The following SUGCT variants were observed in gnomAD, a reference collection of about 807,000 sequenced individuals.
The protein encoded by SUGCT is succinyl-CoA:glutarate-CoA transferase, also known as succinyl-CoA:glutarate CoA-transferase.
SUGCT carries 41 observed loss-of-function variants against 55.0 expected under a neutral mutation model. The observed-to-expected ratio is 0.74, with a 90% CI of 0.58 to 0.97. The LOEUF is 0.97. SUGCT is among the 50% of genes least tolerant of loss of function. The pLI is 0.00. For synonymous variants in SUGCT, 187 were observed against 200.4 expected (o/e 0.93, Z 0.56); for missense variants, 568 against 547.8 (o/e 1.04, Z -0.37).
chr7:40,709,294 G>A (rs1166042086), intron 12 of SUGCT, among the ~76,000 whole-genome samples: 2 of 152,144 alleles, frequency 1.3e-5, no homozygotes, highest in African/African-American at 4.8e-5. Context: ...GAAAAGTTTC[G>A]TAAGTAATTA....
intron 8 of SUGCT, among the ~76,000 whole-genome samples, chr7:40,294,422 G>A (rs1335336149): frequency 6.6e-6 from 1 of 152,202 alleles, no homozygotes; most frequent in African/African-American, 2.4e-5. Context: ...GCAGCAGAGA[G>A]GGACATTCCA....
intron 7 of SUGCT, among the ~76,000 whole-genome samples, chr7:40,246,027 G>T (rs2150910988): frequency 6.6e-6 from 1 of 152,088 alleles, no homozygotes; most frequent in Non-Finnish European, 1.5e-5. Flanking sequence ...TAGAGATGGG[G>T]TCTCTCCATG....
At chr7:41,038,544 C>T in the SUGCT span, among the ~76,000 whole-genome samples, 4 of 152,228 alleles carry the variant, frequency 2.6e-5, no homozygotes, top group Non-Finnish European at 5.9e-5. Context: ...CCTCTGCCAA[C>T]TCTTCTGTGA....
intron 9 of SUGCT, among the ~76,000 whole-genome samples, chr7:40,341,548 G>T (rs959503982): frequency 3.9e-5 from 6 of 152,216 alleles, no homozygotes; most frequent in African/African-American, 1.4e-4. Flanking sequence ...GGCACACAAT[G>T]AAGTTTCTAA....
intron 9 of SUGCT, among the ~76,000 whole-genome samples, chr7:40,356,891 C>CA (rs1380245725): frequency 6.6e-5 from 10 of 152,184 alleles, no homozygotes; most frequent in Non-Finnish European, 1.5e-4. Flanking sequence ...GAAAACCACA[C>CA]AAAATAATTT....
chr7:40,725,427 C>T (rs1201386425), intron 12 of SUGCT, among the ~76,000 whole-genome samples: 1 of 152,142 alleles, frequency 6.6e-6, no homozygotes, highest in Non-Finnish European at 1.5e-5. Context: ...TCCGTGAACC[C>T]TTGCCCACTT....
intron 13 of SUGCT, among the ~76,000 whole-genome samples, chr7:40,780,095 A>C (rs532111553): frequency 6.6e-6 from 1 of 152,146 alleles, no homozygotes; most frequent in South Asian, 2.1e-4. Flanking sequence ...AGAAGTGGTC[A>C]TCTGTTGCCC....
chr7:40,574,050 C>T (rs1186934260), intron 12 of SUGCT, among the ~76,000 whole-genome samples: 1 of 152,110 alleles, frequency 6.6e-6, no homozygotes, highest in African/African-American at 2.4e-5. Context: ...GTCTGGTATG[C>T]TCACTGTTCC....
chr7:40,502,074 A>G (rs1362566069), intron 12 of SUGCT, among the ~76,000 whole-genome samples: 1 of 152,078 alleles, frequency 6.6e-6, no homozygotes, highest in Non-Finnish European at 1.5e-5. Context: ...TAATTTTGAA[A>G]TTATTTGTGA....
intron 3 of SUGCT, among the ~76,000 whole-genome samples, chr7:40,182,849 C>T (rs1257164040): frequency 6.6e-6 from 1 of 152,116 alleles, no homozygotes; most frequent in Non-Finnish European, 1.5e-5. Context: ...AGCATTGAGA[C>T]TGAGATTACA....
chr7:40,529,397 G>C (rs1793969094), intron 12 of SUGCT, among the ~76,000 whole-genome samples: 1 of 152,206 alleles, frequency 6.6e-6, no homozygotes, highest in South Asian at 2.1e-4. Context: ...GTGAGGACCA[G>C]TGCACCAAGG....
the SUGCT span, among the ~76,000 whole-genome samples, chr7:40,878,070 T>A: frequency 6.6e-6 from 1 of 152,190 alleles, no homozygotes; most frequent in Non-Finnish European, 1.5e-5. Flanking sequence ...CTCCATTATA[T>A]CTTCTTTTGT....
At chr7:40,959,476 A>G in the SUGCT span, among the ~76,000 whole-genome samples, 2 of 152,136 alleles carry the variant, frequency 1.3e-5, no homozygotes, top group South Asian at 4.1e-4. Context: ...GTGAGGGGAA[A>G]ACCACCTACT....
chr7:40,533,925 G>A (rs76930394), intron 12 of SUGCT, among the ~76,000 whole-genome samples: 1,891 of 151,248 alleles, frequency 0.013, 27 homozygotes, highest in African/African-American at 0.042. Flanking sequence ...ACAGGTTTGG[G>A]AACAGTTTGC....
intron 12 of SUGCT, chr7:40,538,831 A>G (rs1037922713): frequency 2.0e-5 from 3 of 152,316 alleles, no homozygotes; most frequent in African/African-American, 7.2e-5. Flanking sequence ...TAATCCCAGC[A>G]CTTTGGGAGG....
At chr7:40,979,403 A>T in the SUGCT span, 1 of 152,188 alleles carries the variant, frequency 6.6e-6, no homozygotes, top group East Asian at 1.9e-4. Context: ...ACGCATTTGC[A>T]TTTTTCTCCA....
At chr7:40,756,631 A>G (rs1788265307) in intron 13 of SUGCT, among the ~76,000 whole-genome samples, 1 of 152,196 alleles carries the variant, frequency 6.6e-6, no homozygotes, top group African/African-American at 2.4e-5. Flanking sequence ...AGCTGTCACA[A>G]ATCTCACTGG....
the SUGCT span, among the ~76,000 whole-genome samples, chr7:40,911,517 G>C: frequency 6.6e-6 from 1 of 150,568 alleles, no homozygotes; most frequent in Non-Finnish European, 1.5e-5. Context: ...ACAGTGAGCC[G>C]TGATTGCGCC....
At chr7:40,413,960 T>C (rs1161853056) in intron 9 of SUGCT, among the ~76,000 whole-genome samples, 1 of 152,212 alleles carries the variant, frequency 6.6e-6, no homozygotes, top group African/African-American at 2.4e-5. Flanking sequence ...TTTTTTTTTA[T>C]AGCTGCATAC....
Sources: allele counts gnomAD v4.1 joint callset (sites outside exome capture counted in the v4.1 genomes callset), GRCh38; gene constraint gnomAD v4.1.1; transcripts MANE v1.5; gene names NCBI Gene and HGNC (gene_info 2026-07-23, HGNC 2026-07-21).